The following TG variants were observed in gnomAD, a reference collection of about 807,000 sequenced individuals.
The protein encoded by TG is thyroid hormones.
TG carries 270 observed loss-of-function variants against 324.7 expected under a neutral mutation model. The ratio of observed to expected loss-of-function variants is 0.83; its 90% CI spans 0.75 to 0.92. The LOEUF (loss-of-function observed/expected upper bound fraction) is 0.92. TG is among the 40% of genes least tolerant of loss of function. TG has a pLI of 0.00. For synonymous variants in TG, 1,401 were observed against 1,327.0 expected (o/e 1.06, Z -1.21); for missense variants, 3,591 against 3,456.4 (o/e 1.04, Z -0.98).
chr8:132,929,792 T>C (rs993574111), intron 23 of TG, among the ~76,000 whole-genome samples: 1 of 152,140 alleles, frequency 6.6e-6, no homozygotes, highest in African/African-American at 2.4e-5. Context: ...AATTCATCCA[T>C]GTAACTCAAA....
intron 41 of TG, among the ~76,000 whole-genome samples, chr8:133,045,823 A>G (rs1196315356): frequency 2.0e-5 from 3 of 152,054 alleles, no homozygotes; most frequent in Admixed American, 1.3e-4. Context: ...CTCCTTCCCG[A>G]GTACTCTCCA....
intron 34 of TG, among the ~76,000 whole-genome samples, chr8:132,977,853 T>C (rs1401743963): frequency 6.6e-6 from 1 of 152,146 alleles, no homozygotes; most frequent in African/African-American, 2.4e-5. Flanking sequence ...TCTGAGGAAT[T>C]GCCACTAGGA....
intron 21 of TG, among the ~76,000 whole-genome samples, chr8:132,920,291 G>A (rs1280426129): frequency 6.6e-6 from 1 of 152,076 alleles, no homozygotes; most frequent in South Asian, 2.1e-4. Flanking sequence ...ATCTCTTCTT[G>A]TTAGTCTGAA....
At chr8:133,113,186 C>T (rs1433339361) in intron 43 of TG, among the ~76,000 whole-genome samples, 1 of 152,174 alleles carries the variant, frequency 6.6e-6, no homozygotes, top group South Asian at 2.1e-4. Flanking sequence ...GTGGCAGGCA[C>T]TCCCATTTTC....
chr8:132,869,346 A>T (rs2132031883), intron 2 of TG, among the ~76,000 whole-genome samples: 1 of 151,860 alleles, frequency 6.6e-6, no homozygotes, highest in Non-Finnish European at 1.5e-5. Flanking sequence ...TCCCACTAAC[A>T]TCCCACCCCC....
intron 35 of TG, among the ~76,000 whole-genome samples, chr8:133,004,378 G>C (rs551815875): frequency 1.3e-5 from 2 of 152,312 alleles, no homozygotes; most frequent in Admixed American, 1.3e-4. Context: ...GAAAAGCACA[G>C]TTCCTGTGTC....
In TG at chr8:133,093,134, CTTTTCTT is replaced by C. The variant is rs746122890; in HGVS notation, c.7240-1905_7240-1899del. Among the ~76,000 whole-genome samples the C allele has an allele frequency of 5.9e-3, 426 of 71,742 alleles. 1 individual carries two copies. The highest frequency in any genetic ancestry group is 1.0e-2 in the Non-Finnish European group (301 of 30,114). The allele number at this position is 71,742 out of a possible 152,430, so 47.1% of individuals were successfully genotyped here. A position where few individuals can be genotyped will look rare whatever the true frequency, so the allele number is the denominator to read the frequency against. ...GTGTGTGTGTGTTTTCTTTTCTTTTCTTTTCTTTTTTTTTTTTAATTTAAAGTACATC... is the reference window on the plus strand; with the variant it reads ...GTGTGTGTGTGTTTTCTTTTCTTTTCTTTTTTTTTTAATTTAAAGTACATC... On this transcript the variant is annotated intron_variant, in intron 41 of 47. Coordinates refer to ENST00000220616, the MANE Select transcript of TG (RefSeq NM_003235.5).
chr8:132,994,560 G>A (rs546861752), intron 35 of TG, among the ~76,000 whole-genome samples: 113 of 152,248 alleles, frequency 7.4e-4, no homozygotes, highest in African/African-American at 2.6e-3. Context: ...AAGAGTGATA[G>A]TATGTTACAA....
At chr8:132,935,680 T>C in intron 24 of TG, 76 bp from the exon 25 acceptor site, 1 of 1,340,276 alleles carries the variant, frequency 7.5e-7, no homozygotes. Context: ...TAGCCATGGT[T>C]AGGGTTGGAT....
chr8:133,114,223 C>G (rs1850508528), intron 44 of TG, among the ~76,000 whole-genome samples: 1 of 152,200 alleles, frequency 6.6e-6, no homozygotes, highest in Non-Finnish European at 1.5e-5. Flanking sequence ...CCTGCGCCCT[C>G]TCTCTGGGGC....
rs113642607 is a variant in TG at position 132,967,233 on chromosome 8, T to A, written c.5686+536T>A. Among the ~76,000 whole-genome samples the A allele has an allele frequency of 5.0e-5, 4 of 79,318 alleles. No individual in the cohort carries two copies. The East Asian group carries it at 2.8e-3, about 56-fold the overall frequency. 52.0% of individuals were successfully genotyped at this position (79,318 alleles called of 152,430 possible). A position where few individuals can be genotyped will look rare whatever the true frequency, so the allele number is the denominator to read the frequency against. ...ATCCATCCATCCATCCATCCATCCATCCATCCATCCATCCATCTATCCATC... is the reference window on the plus strand; with the variant it reads ...ATCCATCCATCCATCCATCCATCCAACCATCCATCCATCCATCTATCCATC... On this transcript the variant is annotated intron_variant, in intron 30 of 47. Transcript: ENST00000220616.
intron 10 of TG, among the ~76,000 whole-genome samples, chr8:132,893,182 GTGTA>G (rs1226862160): frequency 4.6e-5 from 6 of 131,322 alleles, no homozygotes; most frequent in African/African-American, 8.6e-5. Flanking sequence ...TGTGTGTGGT[GTGTA>G]TGTGAGTGTG....
chr8:132,968,238 C>T (rs1318851713), intron 31 of TG, among the ~76,000 whole-genome samples: 2 of 152,034 alleles, frequency 1.3e-5, no homozygotes, highest in Non-Finnish European at 2.9e-5. Flanking sequence ...AAATAAAACC[C>T]AAAATGTTTA....
At chr8:133,092,916 T>C (rs1283342335) in intron 41 of TG, among the ~76,000 whole-genome samples, 1 of 152,200 alleles carries the variant, frequency 6.6e-6, no homozygotes, top group Non-Finnish European at 1.5e-5. Flanking sequence ...CATCTTGCAA[T>C]ATCAGTGTGA....
chr8:133,129,270 GC>G (rs1284151037), intron 45 of TG, among the ~76,000 whole-genome samples: 1 of 152,222 alleles, frequency 6.6e-6, no homozygotes, highest in East Asian at 1.9e-4. Flanking sequence ...GGGCTGGAAT[GC>G]CAGGACTTTC....
At chr8:132,960,862 A>G (rs1204099923) in intron 27 of TG, 146 bp from the exon 28 acceptor site, 3 of 829,794 alleles carry the variant, frequency 3.6e-6, no homozygotes, top group Non-Finnish European at 6.3e-6. Context: ...GAGCTGCAAG[A>G]AGCTTCTGGG....
intron 45 of TG, among the ~76,000 whole-genome samples, chr8:133,117,013 C>A (rs569414968): frequency 6.6e-6 from 1 of 152,272 alleles, no homozygotes; most frequent in African/African-American, 2.4e-5. Flanking sequence ...TATATTGATT[C>A]CTCCAGAGAC....
intron 43 of TG, among the ~76,000 whole-genome samples, chr8:133,104,816 G>C (rs1199732154): frequency 6.6e-6 from 1 of 152,130 alleles, no homozygotes; most frequent in Admixed American, 6.5e-5. Flanking sequence ...AACCCACCCT[G>C]TCTCCACTGA....
intron 27 of TG, among the ~76,000 whole-genome samples, chr8:132,950,009 T>C (rs1023949320): frequency 2.0e-5 from 3 of 152,170 alleles, no homozygotes; most frequent in Non-Finnish European, 4.4e-5. Flanking sequence ...TGGTTAGAAA[T>C]GCAGAGTCTC....
Sources: gnomAD v4.1 joint callset for allele counts (sites outside exome capture counted in the v4.1 genomes callset) on GRCh38, gnomAD v4.1.1 for gene constraint, MANE v1.5 for transcripts, NCBI Gene and HGNC (gene_info 2026-07-23, HGNC 2026-07-21) for gene names.